NOP14: variants seen among roughly 807,000 people sequenced by gnomAD.
NOP14 encodes nucleolar protein 14.
In NOP14, 57 loss-of-function variants were observed where a neutral mutation model predicts 101.6. The ratio of observed to expected loss-of-function variants is 0.56; its 90% CI spans 0.45 to 0.70. The LOEUF is 0.70. Among genes scored for constraint, NOP14 ranks in the 30% least tolerant of loss-of-function variants. The pLI, the probability that NOP14 is intolerant of heterozygous loss-of-function variation, is 0.00. For missense variants in NOP14, 1,134 were observed against 1,075.5 expected (o/e 1.05, Z -0.76); for synonymous variants, 428 against 424.0 (o/e 1.01, Z -0.12).
chr4:2,950,379 C>T (rs1714942672), intron 7 of NOP14, 166 bp from the exon 8 acceptor site: 1 of 681,978 alleles, frequency 1.5e-6, no homozygotes, highest in East Asian at 2.7e-5. Context: ...TCCTGCCCAC[C>T]ACCCGCTTCT....
At chr4:2,959,531 T>G (rs909432836) in intron 1 of NOP14, among the ~76,000 whole-genome samples, 4 of 152,000 alleles carry the variant, frequency 2.6e-5, no homozygotes, top group Admixed American at 6.6e-5. Flanking sequence ...AAGTGGAGCT[T>G]GCAGTGAGCT....
intron 15 of NOP14, chr4:2,940,937 C>T (rs555252872): frequency 8.0e-4 from 122 of 153,366 alleles, no homozygotes; most frequent in Non-Finnish European, 1.5e-3. Context: ...GTGGGGGTAG[C>T]TGCGGAGATG....
intron 1 of NOP14, among the ~76,000 whole-genome samples, chr4:2,959,628 C>G (rs1715595730): frequency 6.6e-6 from 1 of 152,004 alleles, no homozygotes; most frequent in South Asian, 2.1e-4. Flanking sequence ...AAACAAACCA[C>G]CTTGGGTACA....
At chr4:2,959,730 G>A (rs909483816) in intron 1 of NOP14, among the ~76,000 whole-genome samples, 3 of 152,150 alleles carry the variant, frequency 2.0e-5, no homozygotes, top group East Asian at 3.8e-4. Context: ...CTTCTGTTAC[G>A]AGCCATTCCA....
intron 10 of NOP14, 146 bp downstream of exon 10, chr4:2,947,380 C>A: frequency 1.5e-6 from 1 of 646,570 alleles, no homozygotes; most frequent in Non-Finnish European, 2.7e-6. Context: ...GCTCACAAGC[C>A]CTGGGTGACC....
At position 2,950,021 on chromosome 4, in the gene NOP14, G is replaced by C. The variant is rs1268229231; in HGVS notation, c.1195C>G (p.Gln399Glu). The change falls in exon 8 of 18, where the codon CAG (glutamine) becomes GAG (glutamate). Residue 399 changes from glutamine (Q) to glutamate (E), a missense_variant. By Grantham distance (29) the Gln-to-Glu change is conservative. Coordinates refer to ENST00000416614, the MANE Select transcript of NOP14 (RefSeq NM_001291978.2). ...AACCCTTTCCCAGGAGTCTGCCTCT[G>C]CTCTTTTGCTGGCTTCTCGTTTTCT... Reference protein sequence around the residue: ...EEENEKPAKEQRQTPGKGLIS... With the variant: ...EEENEKPAKEERQTPGKGLIS... The C allele has an allele frequency of 1.2e-6, 2 of 1,614,176 alleles. No homozygotes were observed. Among genetic ancestry groups the C allele is most frequent in the Admixed American group, 1.7e-5 (1 of 60,030 alleles).
At chr4:2,954,307 G>A (rs1331647449) in intron 4 of NOP14, 117 bp downstream of exon 4, 1 of 1,149,612 alleles carries the variant, frequency 8.7e-7, no homozygotes, top group Admixed American at 2.3e-5. Context: ...TGCTTTTACT[G>A]AACTCATATA....
intron 10 of NOP14, chr4:2,946,845 A>G (rs1375351629): frequency 7.2e-6 from 3 of 415,376 alleles, no homozygotes; most frequent in Non-Finnish European, 1.3e-5. Context: ...GGCACTTTCC[A>G]TATTAACTCA....
Position 2,938,870 on chromosome 4 carries a change from G to C in NOP14, c.2535C>G (p.Gly845=). The part of the protein sequence containing the change: ...QLFNSLATQE[G]EWKALKRKKF... ...TTTTCCTCTTCAGAGCCTTCCATTC[G>C]CCTTCCTGTGTAGCCAGGCTGTTAA... Residue 845 remains glycine (G), a synonymous_variant, in exon 18 of 18, where the codon GGC becomes GGG. Transcript: ENST00000416614. 6.2e-7 allele frequency: 1 copy of C among 1,613,960 alleles called. No homozygotes were observed. Among genetic ancestry groups the C allele is most frequent in the Non-Finnish European group, 8.5e-7 (1 of 1,179,934 alleles).
chr4:2,951,402 G>A (rs1715022388), intron 6 of NOP14, among the ~76,000 whole-genome samples, 157 bp from the exon 7 acceptor site: 1 of 152,204 alleles, frequency 6.6e-6, no homozygotes, highest in Admixed American at 6.5e-5. Flanking sequence ...TTTCAATCAG[G>A]CATGCAAACA....
At position 2,945,608 on chromosome 4, in the gene NOP14, G is replaced by A. The variant is rs115431405; in HGVS notation, c.1636-379C>T. On this transcript the variant is annotated intron_variant, in intron 11 of 17. Transcript: ENST00000416614. ...CAGAATAAAGAGCGTATCTCAGCAAGTATTTCCTTAAAGTTACTAAAGCTG... is the reference window on the plus strand; with the variant it reads ...CAGAATAAAGAGCGTATCTCAGCAAATATTTCCTTAAAGTTACTAAAGCTG... Among the ~76,000 whole-genome samples, 590 of 152,326 alleles carry A rather than the reference G, an allele frequency of 3.9e-3. 1 individual carries two copies. Among genetic ancestry groups the A allele is most frequent in the Non-Finnish European group, 6.1e-3 (415 of 68,042 alleles).
Position 2,939,194 on chromosome 4 carries a change from A to G in NOP14, c.2468T>C (p.Met823Thr), listed in dbSNP as rs138306746. Residue 823 changes from methionine (M) to threonine (T), a missense_variant, in exon 17 of 18, where the codon ATG becomes ACG. Physicochemically the swap from Met to Thr is moderately conservative, Grantham distance 81 (BLOSUM62 -1). Transcript: ENST00000416614. ...ACACACACGTCCCCCTCACCGTTCC[A>G]TGATTTCTGAGAGTTGCATCCTCGC... is the stretch of plus-strand genomic sequence containing the variant. ...FLARMQLSEIMERDAERKRKV... is the reference protein window; with the variant it reads ...FLARMQLSEITERDAERKRKV... 5.1e-4 allele frequency: 824 copies of G among 1,613,944 alleles called. 9 individuals carry two copies. The East Asian group carries it at 0.018, about 35-fold the overall frequency.
In NOP14 at chr4:2,939,298, T is replaced by C. The variant is rs1347918450; in HGVS notation, c.2364A>G (p.Glu788=). The C allele has an allele frequency of 1.2e-6, 2 of 1,614,044 alleles. No individual in the cohort carries two copies. Among genetic ancestry groups the C allele is most frequent in the Non-Finnish European group, 1.7e-6 (2 of 1,180,040 alleles). Residue 788 remains glutamate, a synonymous_variant, in exon 17 of 18, where the codon GAA becomes GAG. Coordinates refer to ENST00000416614, the MANE Select transcript of NOP14 (RefSeq NM_001291978.2). The part of the protein sequence containing the change: ...RKQGSSKEEQ[E]RKRLIHKHKR... ...TGTGTTTGTGGATCAGCCTCTTCCT[T>C]TCCTGTTCCTCCTTACTACTGCCTT...
intron 3 of NOP14, among the ~76,000 whole-genome samples, chr4:2,955,816 G>A (rs1193932810): frequency 6.6e-6 from 1 of 152,238 alleles, no homozygotes; most frequent in Non-Finnish European, 1.5e-5. Context: ...GGGGCCTCCT[G>A]GTGTGCCGCA....
chr4:2,943,971 C>T (rs980524838), intron 13 of NOP14, 102 bp downstream of exon 13: 1 of 960,564 alleles, frequency 1.0e-6, no homozygotes. Context: ...TGTGTGTTTC[C>T]TCTACTTTCG....
At chr4:2,944,934 TCCCACTCCCA>T (rs1714502416) in intron 12 of NOP14, among the ~76,000 whole-genome samples, 184 bp downstream of exon 12, 2 of 152,214 alleles carry the variant, frequency 1.3e-5, no homozygotes. Context: ...AACCAGGCCC[TCCCACTCCCA>T]CCCACATCTG....
chr4:2,946,008 C>CT, intron 11 of NOP14, among the ~76,000 whole-genome samples: 1 of 40,052 alleles, frequency 2.5e-5, no homozygotes. Context: ...CACTGCCGTG[C>CT]ACTCTCACTC....
At chr4:2,950,898 G>A (rs979904338) in intron 7 of NOP14, 1 of 471,896 alleles carries the variant, frequency 2.1e-6, no homozygotes, top group Non-Finnish European at 3.8e-6. Context: ...GTGAGAAAGA[G>A]AGCGTGAGCA....
chr4:2,946,647 G>A (rs1560299579), intron 10 of NOP14, 100 bp from the exon 11 acceptor site: 2 of 1,059,784 alleles, frequency 1.9e-6, no homozygotes, highest in Non-Finnish European at 1.4e-6. Flanking sequence ...TGTTGACTGA[G>A]CAAGTAAGAA....
Sources: gnomAD v4.1 joint callset for allele counts (sites outside exome capture counted in the v4.1 genomes callset) on GRCh38, gnomAD v4.1.1 for gene constraint, MANE v1.5 for transcripts, NCBI Gene and HGNC (gene_info 2026-07-23, HGNC 2026-07-21) for gene names.